DENND11: variants seen among roughly 807,000 people sequenced by gnomAD.
The protein encoded by DENND11 is DENN domain-containing protein 11.
In DENND11, 34 loss-of-function variants were observed where a neutral mutation model predicts 49.2. That is an observed-to-expected ratio of 0.69 (90% confidence interval 0.53 to 0.92). DENND11 has a LOEUF of 0.92. Ranked by LOEUF, DENND11 falls within the 40% of genes least tolerant of loss-of-function variation. The pLI, the probability that DENND11 is intolerant of heterozygous loss-of-function variation, is 0.00. For missense variants in DENND11, 475 were observed against 581.6 expected, an observed-to-expected ratio of 0.82 and a Z score of 1.88; for synonymous variants, 238 against 230.3, an observed-to-expected ratio of 1.03 and a Z score of -0.30.
intron 4 of DENND11, 89 bp downstream of exon 4, chr7:141,673,978 T>C: frequency 3.5e-6 from 5 of 1,439,412 alleles, no homozygotes; most frequent in Non-Finnish European, 4.7e-6. Context: ...TCCAAAGACA[T>C]AAATTTTTTA....
intron 1 of DENND11, among the ~76,000 whole-genome samples, chr7:141,696,621 C>T (rs1215789470): frequency 6.6e-6 from 1 of 152,120 alleles, no homozygotes; most frequent in Non-Finnish European, 1.5e-5. Context: ...TTACTCTTTC[C>T]ACGGTTCTCT....
rs537818239 is a variant in DENND11 at position 141,669,850 on chromosome 7, C to T, written c.682-3425G>A. 3.0e-5 allele frequency among the ~76,000 whole-genome samples: 4 copies of T among 133,378 alleles called. No homozygotes were observed. The East Asian group carries it at 6.6e-4, about 22-fold the overall frequency. 87.5% of individuals were successfully genotyped at this position (133,378 alleles called of 152,430 possible). On this transcript the variant is annotated intron_variant, in intron 4 of 8. Coordinates refer to ENST00000536163, the MANE Select transcript of DENND11 (RefSeq NM_001080392.2). Reference sequence around the variant, plus strand: ...TTTTTGAGACGGAGTCTCGCTGTCGCCCAGGCTGGAGTGCAGTGGCGCAAT... The same window carrying T: ...TTTTTGAGACGGAGTCTCGCTGTCGTCCAGGCTGGAGTGCAGTGGCGCAAT...
intron 4 of DENND11, among the ~76,000 whole-genome samples, chr7:141,673,573 G>A (rs566520189): frequency 3.9e-5 from 6 of 152,206 alleles, no homozygotes; most frequent in Non-Finnish European, 8.8e-5. Flanking sequence ...AGAGAAAGAG[G>A]AGATTCATGT....
Position 141,665,225 on chromosome 7 carries a change from T to C in DENND11, c.914A>G (p.Asp305Gly). 2 of 1,613,396 alleles carry C rather than the reference T, an allele frequency of 1.2e-6. No homozygotes were observed. The highest frequency in any genetic ancestry group is 1.7e-6 in the Non-Finnish European group (2 of 1,179,666). ...CACCTCTACCTCCAGGCTCTCGATGTCAGCCACGTTCACGTAGAAGAAAGG... is the reference window on the plus strand; with the variant it reads ...CACCTCTACCTCCAGGCTCTCGATGCCAGCCACGTTCACGTAGAAGAAAGG... ...SKPFFYVNVA[D>G]IESLEVEVSY... The change falls in exon 6 of 9, where the codon GAC (aspartate) becomes GGC (glycine). Residue 305 changes from aspartate (D) to glycine (G), a missense_variant. Coordinates refer to ENST00000536163, the MANE Select transcript of DENND11 (RefSeq NM_001080392.2).
rs1314903437 is a variant in DENND11 at position 141,658,120 on chromosome 7, G to GC, written c.*4535dup. 1 of 152,036 alleles carries GC rather than the reference G, an allele frequency of 6.6e-6. No individual in the cohort carries two copies. Among genetic ancestry groups the GC allele is most frequent in the African/African-American group, 2.4e-5 (1 of 41,368 alleles). 9.4% of individuals were successfully genotyped at this position (152,036 alleles called of 1,614,324 possible). A position where few individuals can be genotyped will look rare whatever the true frequency, so the allele number is the denominator to read the frequency against. On this transcript the variant is annotated 3_prime_UTR_variant, in exon 9 of 9. Transcript: ENST00000536163. ...TCAGCCACCACCAAATTACAAAACT[G>GC]CCCATTTCTTCTAGAATAATAGTTT...
At chr7:141,685,065 A>C (rs183802243) in intron 3 of DENND11, among the ~76,000 whole-genome samples, 1 of 135,012 alleles carries the variant, frequency 7.4e-6, no homozygotes, top group Non-Finnish European at 1.6e-5. Flanking sequence ...TATATTTTTA[A>C]GTTCTCTTTC....
At chr7:141,677,404 T>A (rs11974576) in intron 3 of DENND11, among the ~76,000 whole-genome samples, 20,756 of 64,454 alleles carry the variant, frequency 0.32, 1,764 homozygotes, top group Non-Finnish European at 0.43. Flanking sequence ...AAAAAAAAAA[T>A]ATATATATAT....
intron 1 of DENND11, among the ~76,000 whole-genome samples, chr7:141,687,060 T>C (rs1341662778): frequency 1.3e-5 from 2 of 152,222 alleles, no homozygotes; most frequent in Admixed American, 6.5e-5. Flanking sequence ...TAGCCACTAA[T>C]GACTGGGAAA....
At position 141,668,009 on chromosome 7, in the gene DENND11, C is replaced by A. The variant is rs185731543; in HGVS notation, c.682-1584G>T. ...GCTATTTCTCTTCAAAGTCTAACAG[C>A]AACCAGATAGGAAAGGGTGCCAAAG... On this transcript the variant is annotated intron_variant, in intron 4 of 8. Coordinates refer to ENST00000536163, the MANE Select transcript of DENND11 (RefSeq NM_001080392.2). Among the ~76,000 whole-genome samples the A allele has an allele frequency of 2.4e-3, 373 of 152,354 alleles. 1 individual carries two copies. Among genetic ancestry groups the A allele is most frequent in the Admixed American group, 4.8e-3 (73 of 15,306 alleles).
chr7:141,696,939 A>G (rs1271342244), intron 1 of DENND11, among the ~76,000 whole-genome samples: 1 of 152,248 alleles, frequency 6.6e-6, no homozygotes, highest in Non-Finnish European at 1.5e-5. Flanking sequence ...AGGATAAAGA[A>G]TCCTGAGTCA....
At chr7:141,692,058 A>G (rs942472422) in intron 1 of DENND11, among the ~76,000 whole-genome samples, 3 of 152,244 alleles carry the variant, frequency 2.0e-5, no homozygotes, top group African/African-American at 7.2e-5. Context: ...TAGGAGTGAC[A>G]TATTATCATA....
intron 4 of DENND11, among the ~76,000 whole-genome samples, chr7:141,668,005 A>G (rs1489692889): frequency 1.3e-5 from 2 of 152,220 alleles, no homozygotes; most frequent in Non-Finnish European, 1.5e-5. Flanking sequence ...TCAAAGTCTA[A>G]CAGCAACCAG....
intron 4 of DENND11, among the ~76,000 whole-genome samples, chr7:141,668,861 T>TTC (rs201497904): frequency 6.7e-6 from 1 of 148,822 alleles, no homozygotes; most frequent in Non-Finnish European, 1.5e-5. Flanking sequence ...CCAGCCTTGT[T>TTC]TCTCTGGCTT....
At position 141,686,570 on chromosome 7, in the gene DENND11, T is replaced by C. The variant is rs1475199197; in HGVS notation, c.357A>G (p.Gln119=). 1 of 1,608,010 alleles carries C rather than the reference T, an allele frequency of 6.2e-7. No individual in the cohort carries two copies. Among genetic ancestry groups the C allele is most frequent in the Non-Finnish European group, 8.5e-7 (1 of 1,175,078 alleles). ...TCAGAAGTACTTACATGAAATCAGA[T>C]TGGATTTTATGGGACCCACTGGCCA... ...KSMASGSHKI[Q]SDFIYFRKGP... is the part of the protein sequence containing the mutation. Residue 119 remains glutamine (Q), a synonymous_variant, in exon 2 of 9, where the codon CAA becomes CAG. Coordinates refer to ENST00000536163, the MANE Select transcript of DENND11 (RefSeq NM_001080392.2).
At chr7:141,688,261 ACTT>A (rs922966017) in intron 1 of DENND11, among the ~76,000 whole-genome samples, 1 of 152,148 alleles carries the variant, frequency 6.6e-6, no homozygotes, top group Non-Finnish European at 1.5e-5. Context: ...TTCAGAACAA[ACTT>A]CTTATTAACA....
chr7:141,696,375 T>G (rs1563006138), intron 1 of DENND11, among the ~76,000 whole-genome samples: 1 of 152,246 alleles, frequency 6.6e-6, no homozygotes, highest in Non-Finnish European at 1.5e-5. Context: ...TGCTGTCTGC[T>G]AGAAAGTTCA....
At chr7:141,677,507 ATATATATATATATG>A (rs1562999733) in intron 3 of DENND11, among the ~76,000 whole-genome samples, 2 of 132,426 alleles carry the variant, frequency 1.5e-5, no homozygotes, top group African/African-American at 2.8e-5. Context: ...GTGTGTGTAT[ATATATATATATATG>A]TATATATATA....
Position 141,671,584 on chromosome 7 carries a change from C to A in DENND11, c.681+2483G>T, listed in dbSNP as rs151232815. The stretch of plus-strand genomic sequence containing the variant: ...CCCTCTTCCCTGCATCTCCTAGGGT[C>A]TAACAGTTATGTTAATGAGCTGTCC... On this transcript the variant is annotated intron_variant, in intron 4 of 8. Transcript: ENST00000536163. Among the ~76,000 whole-genome samples the A allele has an allele frequency of 2.0e-3, 302 of 152,342 alleles. 1 individual carries two copies. Among genetic ancestry groups the A allele is most frequent in the African/African-American group, 6.8e-3 (282 of 41,578 alleles).
At chr7:141,691,932 G>T (rs763095431) in intron 1 of DENND11, among the ~76,000 whole-genome samples, 2 of 151,964 alleles carry the variant, frequency 1.3e-5, no homozygotes, top group Non-Finnish European at 2.9e-5. Context: ...TTTATTAAGG[G>T]CACGCATGTG....
Sources: allele counts gnomAD v4.1 joint callset (sites outside exome capture counted in the v4.1 genomes callset), GRCh38; gene constraint gnomAD v4.1.1; transcripts MANE v1.5; gene names NCBI Gene and HGNC (gene_info 2026-07-23, HGNC 2026-07-21).